SHB: variants seen among roughly 807,000 people sequenced by gnomAD.
SHB encodes the protein SH2 domain-containing adapter protein B.
In SHB, 20 loss-of-function variants were observed where a neutral mutation model predicts 52.3. That is an observed-to-expected ratio of 0.38 (90% CI 0.27 to 0.56). SHB has a LOEUF of 0.56. SHB is among the 20% of genes least tolerant of loss of function. The probability of loss-of-function intolerance (pLI) is 0.71; values close to 1 mark genes in which losing one functional copy is unlikely to be tolerated. For missense variants in SHB, 825 were observed against 723.3 expected (o/e 1.14, Z -1.61); for synonymous variants, 397 against 316.5 (o/e 1.25, Z -2.70).
intron 5 of SHB, among the ~76,000 whole-genome samples, chr9:37,929,551 T>C (rs1832289791): frequency 6.6e-6 from 1 of 152,182 alleles, no homozygotes; most frequent in Non-Finnish European, 1.5e-5. Context: ...GGCTGAGCAC[T>C]GAGCTAGGTT....
intron 1 of SHB, among the ~76,000 whole-genome samples, chr9:38,055,233 G>A (rs1237978893): frequency 6.6e-6 from 1 of 152,086 alleles, no homozygotes; most frequent in African/African-American, 2.4e-5. Context: ...CATTTTTCCT[G>A]GATTTATTCC....
intron 2 of SHB, among the ~76,000 whole-genome samples, chr9:37,985,320 T>C (rs1173140439): frequency 1.3e-5 from 2 of 152,262 alleles, no homozygotes; most frequent in Non-Finnish European, 2.9e-5. Flanking sequence ...TGAGCCCCTC[T>C]GGCCTGAAGT....
chr9:38,003,759 C>T (rs1821046939), intron 2 of SHB, among the ~76,000 whole-genome samples: 1 of 152,244 alleles, frequency 6.6e-6, no homozygotes, highest in African/African-American at 2.4e-5. Flanking sequence ...AGTGGCTCAG[C>T]ACTAACCCTT....
chr9:38,045,458 T>C (rs753146203), intron 1 of SHB, among the ~76,000 whole-genome samples: 1 of 147,234 alleles, frequency 6.8e-6, no homozygotes, highest in Non-Finnish European at 1.5e-5. Context: ...ACTAAAAATA[T>C]AAAAATTAGC....
chr9:38,012,818 C>T (rs1043912941), intron 2 of SHB, among the ~76,000 whole-genome samples: 28 of 149,308 alleles, frequency 1.9e-4, no homozygotes, highest in African/African-American at 6.7e-4. Flanking sequence ...GTTACACGCT[C>T]ACATACACAT....
At chr9:38,018,505 TG>T (rs892112236) in intron 1 of SHB, among the ~76,000 whole-genome samples, 4 of 104,286 alleles carry the variant, frequency 3.8e-5, no homozygotes, top group South Asian at 3.5e-4. Context: ...ATCCTTCCAT[TG>T]AAAAAAAAAA....
chr9:38,043,146 T>C (rs1306945333), intron 1 of SHB, among the ~76,000 whole-genome samples: 2 of 152,144 alleles, frequency 1.3e-5, no homozygotes, highest in African/African-American at 4.8e-5. Context: ...CTGCCCAGAT[T>C]ACTCTCCCAG....
At chr9:37,993,699 C>T (rs7020901) in intron 2 of SHB, among the ~76,000 whole-genome samples, 22,880 of 151,920 alleles carry the variant, frequency 0.15, 1,803 homozygotes, top group East Asian at 0.3. Flanking sequence ...AAAGTTCCCA[C>T]CTAAAAATAA....
In SHB at chr9:37,918,229, T is replaced by G. The variant is rs1832126411; in HGVS notation, c.*1592A>C. Among the ~76,000 whole-genome samples the G allele has an allele frequency of 6.6e-6, 1 of 152,226 alleles. No individual in the cohort carries two copies. Among genetic ancestry groups the G allele is most frequent in the Non-Finnish European group, 1.5e-5 (1 of 68,036 alleles). ...AGGCTCTGGAACCCTTGTATCTCAT[T>G]CAGGAGAGGGCAGCCACATCTTCAT... On this transcript the variant is annotated 3_prime_UTR_variant, in exon 6 of 6. Transcript: ENST00000377707.
In SHB at chr9:37,918,002, G is replaced by A. The variant is rs1832122796; in HGVS notation, c.*1819C>T. 6.6e-6 allele frequency among the ~76,000 whole-genome samples: 1 copy of A among 152,206 alleles called. No individual in the cohort carries two copies. The highest frequency in any genetic ancestry group is 2.4e-5 in the African/African-American group (1 of 41,454). Reference sequence around the variant, plus strand: ...TCCCAGCTCGACACGTGGCCTTGGCGAGTCCTCCTTCTCCGGGCCTGTGTC... The same window carrying A: ...TCCCAGCTCGACACGTGGCCTTGGCAAGTCCTCCTTCTCCGGGCCTGTGTC... On this transcript the variant is annotated 3_prime_UTR_variant, in exon 6 of 6. Coordinates refer to ENST00000377707, the MANE Select transcript of SHB (RefSeq NM_003028.3).
chr9:37,984,701 G>A (rs1424498855), intron 2 of SHB, among the ~76,000 whole-genome samples: 2 of 152,184 alleles, frequency 1.3e-5, no homozygotes, highest in African/African-American at 4.8e-5. Flanking sequence ...AGCTCTGCGG[G>A]AGTGCCAGGC....
At chr9:37,957,108 T>C (rs1832644769) in intron 3 of SHB, among the ~76,000 whole-genome samples, 1 of 152,140 alleles carries the variant, frequency 6.6e-6, no homozygotes, top group Non-Finnish European at 1.5e-5. Context: ...GATAAGAGGA[T>C]ACTCCAGCGC....
At chr9:37,921,317 G>GC (rs1329996020) in intron 5 of SHB, among the ~76,000 whole-genome samples, 1 of 152,186 alleles carries the variant, frequency 6.6e-6, no homozygotes, top group African/African-American at 2.4e-5. Context: ...TCCGCCCCTA[G>GC]CCGCTGTCGC....
At chr9:37,922,105 T>A (rs1343483714) in intron 5 of SHB, among the ~76,000 whole-genome samples, 3 of 152,216 alleles carry the variant, frequency 2.0e-5, no homozygotes, top group Non-Finnish European at 4.4e-5. Context: ...ACCAGCAGGC[T>A]TTGTGATTCT....
chr9:37,974,934 G>T lies in SHB; in HGVS notation c.839-97C>A, dbSNP rs562697835. On this transcript the variant is annotated intron_variant, in intron 2 of 5. Transcript: ENST00000377707. ...ACACCACAAACTCAGAGCTGCCAGC[G>T]GGGAGGTGAGAACGACAGAGAGACA... 26 of 1,039,606 alleles carry T rather than the reference G, an allele frequency of 2.5e-5. No individual in the cohort carries two copies. The African/African-American group carries it at 4.0e-4, about 16-fold the overall frequency. The allele number at this position is 1,039,606 out of a possible 1,614,324, so 64.4% of individuals were successfully genotyped here.
Position 37,974,681 on chromosome 9 carries a change from G to C in SHB, c.995C>G (p.Pro332Arg), listed in dbSNP as rs372517472. 7 of 1,613,858 alleles carry C rather than the reference G, an allele frequency of 4.3e-6. No homozygotes were observed. The highest frequency in any genetic ancestry group is 5.9e-6 in the Non-Finnish European group (7 of 1,179,984). The change falls in exon 3 of 6, where the codon CCC becomes CGC. Residue 332 changes from proline to arginine, a missense_variant. Physicochemically the swap from Pro to Arg is moderately radical, Grantham distance 103. Transcript: ENST00000377707. The part of the protein sequence containing the change: ...ESKLPQDDDR[P>R]ADEYDQPWEW... ...CCAAGGCTGGTCGTACTCATCGGCG[G>C]GCCTGTCGTCATCCTGGGGCAGCTT...
intron 2 of SHB, among the ~76,000 whole-genome samples, chr9:37,980,292 A>G (rs573125081): frequency 6.6e-6 from 1 of 152,346 alleles, no homozygotes; most frequent in African/African-American, 2.4e-5. Flanking sequence ...TTTATGTACT[A>G]TTCTAAATCC....
At chr9:38,028,180 G>A (rs1821368424) in intron 1 of SHB, among the ~76,000 whole-genome samples, 2 of 152,106 alleles carry the variant, frequency 1.3e-5, no homozygotes, top group Non-Finnish European at 2.9e-5. Context: ...CAGAGACTAA[G>A]CAGGCACCTC....
chr9:38,007,306 A>G (rs1359971426), intron 2 of SHB, among the ~76,000 whole-genome samples: 3 of 152,194 alleles, frequency 2.0e-5, no homozygotes, highest in African/African-American at 7.2e-5. Flanking sequence ...ATACTCATTC[A>G]TGCAATCGGT....
Sources: gnomAD v4.1 joint callset for allele counts (sites outside exome capture counted in the v4.1 genomes callset) on GRCh38, gnomAD v4.1.1 for gene constraint, MANE v1.5 for transcripts, NCBI Gene and HGNC (gene_info 2026-07-23, HGNC 2026-07-21) for gene names.